Variants in KLHL8 observed in about 807,000 individuals in gnomAD.
KLHL8 encodes kelch-like protein 8.
KLHL8 carries 38 observed loss-of-function variants against 63.5 expected under a neutral mutation model. The ratio of observed to expected loss-of-function variants is 0.60; its 90% CI spans 0.46 to 0.78. The LOEUF (loss-of-function observed/expected upper bound fraction) is 0.78, where lower values mean the gene tolerates loss of function less well. Among genes scored for constraint, KLHL8 ranks in the 30% least tolerant of loss-of-function variants. KLHL8 has a pLI of 0.00. For missense variants in KLHL8, 566 were observed against 752.4 expected, an observed-to-expected ratio of 0.75 and a Z score of 2.90; for synonymous variants, 224 against 254.3, an observed-to-expected ratio of 0.88 and a Z score of 1.13.
intron 6 of KLHL8, among the ~76,000 whole-genome samples, chr4:87,174,111 T>C (rs552660751): frequency 6.6e-6 from 1 of 152,280 alleles, no homozygotes; most frequent in South Asian, 2.1e-4. Context: ...TGCAGAATGG[T>C]GCTAATTTGC....
chr4:87,183,338 C>A lies in KLHL8; in HGVS notation c.817G>T (p.Glu273Ter), dbSNP rs1319046953. 1.9e-6 allele frequency: 3 copies of A among 1,612,956 alleles called. No homozygotes were observed. The highest frequency in any genetic ancestry group is 2.7e-5 in the African/African-American group (2 of 74,894). The change falls in exon 4 of 10, where the codon GAA becomes TAA. Residue 273 changes from glutamate to a stop codon, truncating the protein, a stop_gained. Coordinates refer to ENST00000273963, the MANE Select transcript of KLHL8 (RefSeq NM_020803.5). LOFTEE classifies it high-confidence loss of function. ...VDFLMGVVAK[E>*]QIVKQNLKCR... The stretch of plus-strand genomic sequence containing the variant: ...TTTAGATTTTGCTTGACAATCTGTT[C>A]TTTTGCCACAACACCCATAAGAAAA...
intron 8 of KLHL8, among the ~76,000 whole-genome samples, chr4:87,167,989 C>T (rs1034642570): frequency 2.0e-5 from 3 of 152,192 alleles, no homozygotes; most frequent in South Asian, 4.1e-4. Context: ...ATGCTAACTT[C>T]TCAGAAGACA....
At chr4:87,167,062 G>A (rs754698113) in intron 8 of KLHL8, 6 of 323,552 alleles carry the variant, frequency 1.9e-5, no homozygotes, top group Non-Finnish European at 3.0e-5. Flanking sequence ...CAAGACTCAT[G>A]GCCTGTAACA....
At chr4:87,210,118 A>G (rs1479497636) in intron 1 of KLHL8, among the ~76,000 whole-genome samples, 1 of 151,994 alleles carries the variant, frequency 6.6e-6, no homozygotes, top group Non-Finnish European at 1.5e-5. Flanking sequence ...TCGGACTACC[A>G]AAGTGCTGGG....
At position 87,171,996 on chromosome 4, in the gene KLHL8, G is replaced by A. The variant is rs191955595; in HGVS notation, c.1209-1381C>T. 7.9e-5 allele frequency among the ~76,000 whole-genome samples: 12 copies of A among 152,238 alleles called. No individual in the cohort carries two copies. The East Asian group carries it at 1.3e-3, about 17-fold the overall frequency. On this transcript the variant is annotated intron_variant, in intron 6 of 9. Transcript: ENST00000273963. ...ACTCACTGCCCACCTCGCTGTGGTA[G>A]GCAGAATTTTAAGATACTCCTCATC...
intron 1 of KLHL8, among the ~76,000 whole-genome samples, chr4:87,201,517 C>T (rs1047028517): frequency 1.3e-5 from 2 of 152,160 alleles, no homozygotes; most frequent in Admixed American, 6.5e-5. Context: ...GAACAGAACA[C>T]ATCATTAACC....
At chr4:87,190,539 G>C (rs1388797606) in intron 2 of KLHL8, among the ~76,000 whole-genome samples, 1 of 151,962 alleles carries the variant, frequency 6.6e-6, no homozygotes, top group African/African-American at 2.4e-5. Context: ...AGCTACTCGG[G>C]GGGCTGACGT....
chr4:87,201,459 C>G (rs768573358), intron 1 of KLHL8, among the ~76,000 whole-genome samples: 3 of 152,092 alleles, frequency 2.0e-5, no homozygotes, highest in Non-Finnish European at 4.4e-5. Context: ...TTAAACATTC[C>G]TCTTCAGTTA....
intron 1 of KLHL8, among the ~76,000 whole-genome samples, chr4:87,196,939 T>C (rs1281452683): frequency 6.6e-6 from 1 of 152,228 alleles, no homozygotes; most frequent in East Asian, 1.9e-4. Context: ...GTTTAAAATA[T>C]TGGTATTATT....
At chr4:87,195,269 A>G (rs775500394) in intron 2 of KLHL8, 55 bp downstream of exon 2, 68 of 1,415,524 alleles carry the variant, frequency 4.8e-5, no homozygotes, top group Non-Finnish European at 6.5e-5. Context: ...AGAAACCCCC[A>G]TTTCTCATAT....
In KLHL8 at chr4:87,192,422, A is replaced by C. The variant is rs145709408; in HGVS notation, c.216+2902T>G. On this transcript the variant is annotated intron_variant, in intron 2 of 9. Coordinates refer to ENST00000273963, the MANE Select transcript of KLHL8 (RefSeq NM_020803.5). ...GCCACTTGTGGGTCTTCTTTTGAGAAGTATATGTTCATGTCCTTTGCCTAC... is the reference window on the plus strand; with the variant it reads ...GCCACTTGTGGGTCTTCTTTTGAGACGTATATGTTCATGTCCTTTGCCTAC... Among the ~76,000 whole-genome samples, 27 of 152,288 alleles carry C rather than the reference A, an allele frequency of 1.8e-4. No individual in the cohort carries two copies. In the East Asian group the frequency reaches 4.8e-3, roughly 27 times the overall value.
intron 1 of KLHL8, among the ~76,000 whole-genome samples, chr4:87,226,739 T>TTA (rs1295560376): frequency 1.3e-4 from 1 of 7,764 alleles, no homozygotes; most frequent in African/African-American, 7.2e-4. Context: ...TATATATTAT[T>TTA]TATATATAAT....
intron 1 of KLHL8, among the ~76,000 whole-genome samples, chr4:87,216,912 G>A (rs1732617225): frequency 6.6e-6 from 1 of 152,136 alleles, no homozygotes; most frequent in African/African-American, 2.4e-5. Flanking sequence ...CCTCAATTCT[G>A]GTAAAATAGA....
At chr4:87,201,462 T>C (rs1357425601) in intron 1 of KLHL8, among the ~76,000 whole-genome samples, 1 of 152,196 alleles carries the variant, frequency 6.6e-6, no homozygotes, top group East Asian at 1.9e-4. Flanking sequence ...AACATTCCTC[T>C]TCAGTTATAG....
intron 1 of KLHL8, among the ~76,000 whole-genome samples, chr4:87,196,821 AG>A (rs1317581879): frequency 1.3e-5 from 2 of 152,168 alleles, no homozygotes; most frequent in Non-Finnish European, 2.9e-5. Flanking sequence ...TGTAAAACTG[AG>A]GCTTTACTAA....
intron 1 of KLHL8, among the ~76,000 whole-genome samples, chr4:87,212,348 G>A (rs1027645649): frequency 3.3e-5 from 5 of 152,114 alleles, no homozygotes; most frequent in African/African-American, 1.2e-4. Context: ...CCAATGAGCT[G>A]GGAGGACTGC....
chr4:87,229,497 C>T (rs533919615), intron 1 of KLHL8, among the ~76,000 whole-genome samples: 2 of 148,262 alleles, frequency 1.3e-5, no homozygotes, highest in Admixed American at 1.4e-4. Context: ...TACAGTGGTG[C>T]GATCTTGGCT....
In KLHL8 at chr4:87,170,503, T is replaced by A. The variant is rs745780837; in HGVS notation, c.1321A>T (p.Ser441Cys). 1 of 1,613,932 alleles carries A rather than the reference T, an allele frequency of 6.2e-7. No homozygotes were observed. The highest frequency in any genetic ancestry group is 8.5e-7 in the Non-Finnish European group (1 of 1,179,920). Residue 441 changes from serine (S) to cysteine (C), a missense_variant, in exon 7 of 10, where the codon AGT becomes TGT. By Grantham distance (112) the Ser-to-Cys change is moderately radical. Transcript: ENST00000273963. ...ERYDIESDQW[S>C]TVAPMNTPRG... ...GGAGTATTCATTGGTGCCACTGTAC[T>A]CCACTGATCAGATTCTATGTCATAT...
At chr4:87,207,766 C>T (rs1732201061) in intron 1 of KLHL8, 2 of 862,046 alleles carry the variant, frequency 2.3e-6, no homozygotes, top group South Asian at 2.7e-5. Context: ...GAATGGGAAG[C>T]TCACTGGCAT....
Sources: allele counts gnomAD v4.1 joint callset (sites outside exome capture counted in the v4.1 genomes callset), GRCh38; gene constraint gnomAD v4.1.1; transcripts MANE v1.5; gene names NCBI Gene and HGNC (gene_info 2026-07-23, HGNC 2026-07-21).